STK3: variants seen among roughly 807,000 people sequenced by gnomAD.
The protein encoded by STK3 is serine/threonine-protein kinase 3.
A neutral mutation model predicts 58.0 loss-of-function variants in STK3; 41 were observed. The observed-to-expected ratio is 0.71, with a 90% CI of 0.55 to 0.92. STK3 has a LOEUF of 0.92. Ranked by LOEUF, STK3 falls within the 40% of genes least tolerant of loss-of-function variation. The pLI, the probability that STK3 is intolerant of heterozygous loss-of-function variation, is 0.00. For synonymous variants in STK3, 170 were observed against 191.0 expected (o/e 0.89, Z 0.91); for missense variants, 479 against 602.7 (o/e 0.79, Z 2.15).
chr8:98,507,494 T>C (rs1043632036), intron 10 of STK3, among the ~76,000 whole-genome samples: 5 of 152,228 alleles, frequency 3.3e-5, no homozygotes, highest in African/African-American at 1.2e-4. Flanking sequence ...CTTCTACCCT[T>C]GCCCCACTCA....
At chr8:98,687,344 T>G (rs1177453001) in intron 6 of STK3, among the ~76,000 whole-genome samples, 1 of 152,206 alleles carries the variant, frequency 6.6e-6, no homozygotes, top group Non-Finnish European at 1.5e-5. Flanking sequence ...TCATGAGGAC[T>G]ACACAACCTA....
chr8:98,400,194 T>C (rs191044975), downstream of STK3, among the ~76,000 whole-genome samples: 1 of 152,270 alleles, frequency 6.6e-6, no homozygotes, highest in East Asian at 1.9e-4. Context: ...GGGGAGCCAG[T>C]TCCTTGAAGT....
chr8:98,932,388 T>A (rs1185903818), intron 1 of STK3, among the ~76,000 whole-genome samples: 2 of 152,164 alleles, frequency 1.3e-5, no homozygotes, highest in Admixed American at 6.5e-5. Context: ...AGGAGGTCTT[T>A]AAATATCAAT....
At chr8:98,493,647 C>T (rs1306583133) in intron 10 of STK3, among the ~76,000 whole-genome samples, 1 of 152,166 alleles carries the variant, frequency 6.6e-6, no homozygotes, top group African/African-American at 2.4e-5. Flanking sequence ...TATTCTCCCT[C>T]TATACTGATG....
intron 6 of STK3, chr8:98,601,758 C>G (rs911889211): frequency 2.6e-5 from 4 of 152,146 alleles, no homozygotes; most frequent in African/African-American, 4.8e-5. Flanking sequence ...GAAAGGAGAC[C>G]AGCATCTTCT....
At chr8:98,926,033 G>A (rs1021833199) in intron 1 of STK3, among the ~76,000 whole-genome samples, 2 of 152,180 alleles carry the variant, frequency 1.3e-5, no homozygotes, top group Admixed American at 6.5e-5. Context: ...GGCCGGGGGA[G>A]AAGAGAGGAT....
At chr8:98,526,003 G>T (rs1825720267) in intron 10 of STK3, among the ~76,000 whole-genome samples, 1 of 151,508 alleles carries the variant, frequency 6.6e-6, no homozygotes, top group Admixed American at 6.6e-5. Context: ...AAATCTTCCA[G>T]AACAATATGC....
At chr8:98,352,396 A>G in the STK3 span, among the ~76,000 whole-genome samples, 4 of 152,216 alleles carry the variant, frequency 2.6e-5, no homozygotes, top group African/African-American at 9.7e-5. Context: ...GTGAGCACAC[A>G]TACAGGTTGA....
chr8:98,616,525 TAA>T (rs1303712836), intron 6 of STK3, among the ~76,000 whole-genome samples: 1 of 143,684 alleles, frequency 7.0e-6, no homozygotes, highest in Non-Finnish European at 1.5e-5. Flanking sequence ...GCAAGTTGGA[TAA>T]AGAGTCAAGA....
rs146095895 is a variant in STK3 at position 98,747,230 on chromosome 8, T to C, written c.351+2046A>G. 4.3e-4 allele frequency among the ~76,000 whole-genome samples: 66 copies of C among 152,034 alleles called. 1 individual carries two copies. In the East Asian group the frequency reaches 0.011, roughly 25 times the overall value. On this transcript the variant is annotated intron_variant, in intron 4 of 10. Coordinates refer to ENST00000419617, the MANE Select transcript of STK3 (RefSeq NM_006281.4). ...TAAATATATGAGTAAATATAAACATTTGCAATACAAAATAAGAATAACAAT... is the reference window on the plus strand; with the variant it reads ...TAAATATATGAGTAAATATAAACATCTGCAATACAAAATAAGAATAACAAT...
At chr8:98,738,938 T>C (rs1334498696) in intron 4 of STK3, among the ~76,000 whole-genome samples, 1 of 152,228 alleles carries the variant, frequency 6.6e-6, no homozygotes, top group African/African-American at 2.4e-5. Context: ...CAGGAGATTA[T>C]ATCCCACACC....
chr8:98,502,161 G>C (rs138446001), intron 10 of STK3, among the ~76,000 whole-genome samples: 2,701 of 152,166 alleles, frequency 0.018, 82 homozygotes, highest in African/African-American at 0.062. Context: ...TATTCTCTTA[G>C]TAGCAATTGT....
intron 6 of STK3, among the ~76,000 whole-genome samples, chr8:98,614,436 T>C (rs1817483217): frequency 6.6e-6 from 1 of 152,086 alleles, no homozygotes; most frequent in Non-Finnish European, 1.5e-5. Context: ...TCAAAGAAGA[T>C]GTCTCGATCG....
downstream of STK3, chr8:98,880,279 A>C (rs1401883946): frequency 6.6e-6 from 1 of 152,208 alleles, no homozygotes; most frequent in Non-Finnish European, 1.5e-5. Context: ...AAATACATAT[A>C]AAATAAATGC....
intron 6 of STK3, among the ~76,000 whole-genome samples, chr8:98,605,940 G>A (rs916079127): frequency 1.3e-5 from 2 of 152,144 alleles, no homozygotes; most frequent in South Asian, 2.1e-4. Context: ...TGAAAGATAT[G>A]TTTGTGGCCG....
intron 10 of STK3, among the ~76,000 whole-genome samples, chr8:98,514,199 A>C (rs1288322550): frequency 1.3e-5 from 2 of 152,190 alleles, no homozygotes; most frequent in East Asian, 3.9e-4. Context: ...TCTAAGATGT[A>C]GGGTGGGGAA....
intron 6 of STK3, among the ~76,000 whole-genome samples, chr8:98,669,416 C>T (rs2130831421): frequency 6.6e-6 from 1 of 152,210 alleles, no homozygotes; most frequent in Non-Finnish European, 1.5e-5. Flanking sequence ...CCAAGCCTAC[C>T]CCTTAGCTGA....
chr8:98,484,377 A>G (rs1189192611), intron 10 of STK3, among the ~76,000 whole-genome samples: 2 of 152,340 alleles, frequency 1.3e-5, no homozygotes, highest in East Asian at 3.9e-4. Flanking sequence ...TCTACATTAA[A>G]TGAAAAAATT....
chr8:98,821,599 C>T (rs575108601), intron 1 of STK3, among the ~76,000 whole-genome samples: 1 of 149,922 alleles, frequency 6.7e-6, no homozygotes, highest in African/African-American at 2.5e-5. Context: ...GAGGTCAAGG[C>T]TGCAGTGAGC....
Sources: gnomAD v4.1 joint callset for allele counts (sites outside exome capture counted in the v4.1 genomes callset) on GRCh38, gnomAD v4.1.1 for gene constraint, MANE v1.5 for transcripts, NCBI Gene and HGNC (gene_info 2026-07-23, HGNC 2026-07-21) for gene names.